Variants in TAAR5 observed in about 807,000 individuals in gnomAD.
The protein encoded by TAAR5 is trace amine associated receptor 5, also known as trace amine-associated receptor 5.
In TAAR5, 27 loss-of-function variants were observed where a neutral mutation model predicts 21.1. The observed-to-expected ratio is 1.28, with a 90% CI of 0.94 to 1.76. The LOEUF (loss-of-function observed/expected upper bound fraction) is 1.76, where lower values mean the gene tolerates loss of function less well. Among genes scored for constraint, TAAR5 ranks in the 40% most tolerant of loss-of-function variants. The pLI, the probability that TAAR5 is intolerant of heterozygous loss-of-function variation, is 0.00. For missense variants in TAAR5, 495 were observed against 405.6 expected (o/e 1.22, Z -1.89); for synonymous variants, 203 against 167.5 (o/e 1.21, Z -1.64).
chr6:132,590,816 T>C (rs1001797855), upstream of TAAR5, among the ~76,000 whole-genome samples: 4 of 152,230 alleles, frequency 2.6e-5, no homozygotes, highest in Non-Finnish European at 5.9e-5. Context: ...TTTTCAGTTC[T>C]GGGATGTTTT....
the TAAR5 span, among the ~76,000 whole-genome samples, chr6:132,599,295 C>G: frequency 0.018 from 2,633 of 142,946 alleles, 36 homozygotes; most frequent in Non-Finnish European, 0.026. Flanking sequence ...ATACACAACA[C>G]TTTGGAGAAC....
chr6:132,597,649 CT>C, the TAAR5 span, among the ~76,000 whole-genome samples: 2 of 152,046 alleles, frequency 1.3e-5, no homozygotes, highest in African/African-American at 2.4e-5. Flanking sequence ...GCCTTTTTCT[CT>C]TTTTTACCAA....
At chr6:132,605,069 C>G in the TAAR5 span, among the ~76,000 whole-genome samples, 1 of 152,212 alleles carries the variant, frequency 6.6e-6, no homozygotes, top group Non-Finnish European at 1.5e-5. Flanking sequence ...ACCAGCTGAT[C>G]TCCTGCAGGT....
the TAAR5 span, among the ~76,000 whole-genome samples, chr6:132,601,467 A>G: frequency 6.6e-6 from 1 of 152,230 alleles, no homozygotes. Context: ...GGGCAGCAAG[A>G]AATATGTACT....
At chr6:132,590,645 G>T (rs1244020494), upstream of TAAR5, among the ~76,000 whole-genome samples, 2 of 152,140 alleles carry the variant, frequency 1.3e-5, no homozygotes, top group Admixed American at 6.5e-5. Context: ...TCCTCCATGT[G>T]CTATGATACA....
At chr6:132,591,586 T>TA (rs1161919854), upstream of TAAR5, among the ~76,000 whole-genome samples, 1 of 152,226 alleles carries the variant, frequency 6.6e-6, no homozygotes, top group African/African-American at 2.4e-5. Flanking sequence ...CAAGGAAGGA[T>TA]ATTGCATTAC....
chr6:132,601,937 TA>T, the TAAR5 span, among the ~76,000 whole-genome samples: 1 of 152,348 alleles, frequency 6.6e-6, no homozygotes, highest in East Asian at 1.9e-4. Flanking sequence ...GAACAGAGAT[TA>T]AGGAGAGACT....
the TAAR5 span, among the ~76,000 whole-genome samples, chr6:132,600,798 GAGGA>G: frequency 7.4e-4 from 46 of 61,936 alleles, no homozygotes; most frequent in East Asian, 7.0e-3. Flanking sequence ...GGAAGGAGGG[GAGGA>G]AGGAAGGAAG....
the TAAR5 span, among the ~76,000 whole-genome samples, chr6:132,603,302 CAAAAAAA>C: frequency 2.0e-5 from 2 of 99,260 alleles, no homozygotes; most frequent in Non-Finnish European, 4.1e-5. Flanking sequence ...GACCCTATCT[CAAAAAAA>C]AAAAAAAAAA....
chr6:132,608,544 G>A, the TAAR5 span: 1 of 455,348 alleles, frequency 2.2e-6, no homozygotes, highest in Admixed American at 2.4e-5. Context: ...TCTTGGATAG[G>A]TGTTTTTTCA....
chr6:132,597,651 T>C, the TAAR5 span, among the ~76,000 whole-genome samples: 1 of 152,216 alleles, frequency 6.6e-6, no homozygotes, highest in African/African-American at 2.4e-5. Context: ...CTTTTTCTCT[T>C]TTTTACCAAT....
At chr6:132,598,099 A>G in the TAAR5 span, among the ~76,000 whole-genome samples, 2 of 152,080 alleles carry the variant, frequency 1.3e-5, no homozygotes, top group African/African-American at 4.8e-5. Context: ...ATCAGGCATG[A>G]TTTTTCTCTT....
the TAAR5 span, among the ~76,000 whole-genome samples, chr6:132,606,048 A>T: frequency 3.9e-5 from 6 of 152,274 alleles, no homozygotes; most frequent in East Asian, 1.2e-3. Context: ...AGTGGGAGCT[A>T]AACATTGGGT....
At chr6:132,591,324 A>T (rs1489574031), upstream of TAAR5, among the ~76,000 whole-genome samples, 4 of 152,208 alleles carry the variant, frequency 2.6e-5, no homozygotes, top group Non-Finnish European at 5.9e-5. Context: ...GTCAAACTAA[A>T]GTTGTAAAAA....
the TAAR5 span, among the ~76,000 whole-genome samples, chr6:132,610,535 A>G: frequency 6.6e-6 from 1 of 152,136 alleles, no homozygotes; most frequent in Non-Finnish European, 1.5e-5. Context: ...AGGTGCTAGA[A>G]GTTCCCTTCC....
rs139429242 is a variant in TAAR5, at chr6:132,588,837, G to C, written c.850C>G (p.Pro284Ala). Reference sequence around the variant, plus strand: ...CAGATAAAGATGTCAAAGACCAGTGGGGGTGTGATAAAGTGAAGGAGGCTG... The same window carrying C: ...CAGATAAAGATGTCAAAGACCAGTGCGGGTGTGATAAAGTGAAGGAGGCTG... ...VDSLLHFITP[P>A]LVFDIFIWFA... Residue 284 changes from proline (P) to alanine (A), a missense_variant, in exon 1 of 1, where the codon CCA becomes GCA. Pro to Ala is a conservative substitution (Grantham distance 27). Transcript: ENST00000258034. 2 of 1,614,078 alleles carry C rather than the reference G, an allele frequency of 1.2e-6. No individual in the cohort carries two copies. Among genetic ancestry groups the C allele is most frequent in the East Asian group, 2.2e-5 (1 of 44,878 alleles).
At chr6:132,597,384 C>T in the TAAR5 span, among the ~76,000 whole-genome samples, 1 of 152,018 alleles carries the variant, frequency 6.6e-6, no homozygotes, top group Admixed American at 6.6e-5. Context: ...CTATCTTAAG[C>T]TCTTGGTGAA....
At chr6:132,604,335 G>T in the TAAR5 span, among the ~76,000 whole-genome samples, 7,614 of 151,634 alleles carry the variant, frequency 0.05, 448 homozygotes, top group African/African-American at 0.13. Flanking sequence ...TAGAGACGGG[G>T]TTTCACCATT....
chr6:132,598,821 A>G, the TAAR5 span, among the ~76,000 whole-genome samples: 3 of 152,156 alleles, frequency 2.0e-5, no homozygotes, highest in African/African-American at 7.2e-5. Context: ...ACAAGGCCAA[A>G]GGTAGGAAGA....
Sources: gnomAD v4.1 joint callset for allele counts (sites outside exome capture counted in the v4.1 genomes callset) on GRCh38, gnomAD v4.1.1 for gene constraint, MANE v1.5 for transcripts, NCBI Gene and HGNC (gene_info 2026-07-23, HGNC 2026-07-21) for gene names.